Variants in PCOLCE observed in about 807,000 individuals in gnomAD.
PCOLCE encodes procollagen C-endopeptidase enhancer, also known as procollagen C-endopeptidase enhancer 1.
Under a neutral mutation model 47.2 loss-of-function variants are expected in PCOLCE, and 33 were observed. The ratio of observed to expected loss-of-function variants is 0.70; its 90% CI spans 0.53 to 0.93. PCOLCE has a LOEUF of 0.93. PCOLCE is among the 40% of genes least tolerant of loss of function. PCOLCE has a pLI of 0.00. For missense variants in PCOLCE, 584 were observed against 585.3 expected, an observed-to-expected ratio of 1.00 and a Z score of 0.02; for synonymous variants, 254 against 252.5, an observed-to-expected ratio of 1.01 and a Z score of -0.06.
rs781629878 is a variant in PCOLCE at position 100,604,201 on chromosome 7, G to A, written c.447G>A (p.Arg149=). 23 of 1,611,524 alleles carry A rather than the reference G, an allele frequency of 1.4e-5. No individual in the cohort carries two copies. In the Admixed American group the frequency reaches 3.8e-4, roughly 27 times the overall value. The change falls in exon 3 of 9, where the codon CGG becomes CGA. Residue 149 remains arginine, a synonymous_variant. Transcript: ENST00000223061. The surrounding 1 kb of genome is among the most constrained non-coding windows in gnomAD (Gnocchi z 6.4). ...GCTTCCTGCTCTGGTACAGCGGGCG[G>A]GCCACCTCGGGCACTGGTGAGAACT... ...GRGFLLWYSG[R]ATSGTEHQFC...
rs1383216054 is a variant in PCOLCE at position 100,605,220 on chromosome 7, C to T, written c.588+5C>T. 1.2e-6 allele frequency: 2 copies of T among 1,609,746 alleles called. No individual in the cohort carries two copies. Among genetic ancestry groups the T allele is most frequent in the Admixed American group, 3.3e-5 (2 of 59,820 alleles). ...ATCATCGCGCCCCCGGACCAGGTAC[C>T]GACCCTCCTCCCCGGGCTGCCCTAG... On this transcript the variant is annotated splice_donor_5th_base_variant and intron_variant, in intron 4 of 8. Transcript: ENST00000223061. The surrounding 1 kb of genome is among the most constrained non-coding windows in gnomAD (Gnocchi z 6.1).
In PCOLCE at chr7:100,603,508, C is replaced by G. The variant is rs147008327; in HGVS notation, c.174C>G (p.Pro58=). The G allele has an allele frequency of 3.7e-5, 59 of 1,600,338 alleles. No homozygotes were observed. The highest frequency in any genetic ancestry group is 6.8e-5 in the East Asian group (3 of 44,280). Residue 58 remains proline, a synonymous_variant, in exon 2 of 9, where the codon CCC becomes CCG. Coordinates refer to ENST00000223061, the MANE Select transcript of PCOLCE (RefSeq NM_002593.4). ...GTGAGGGGTTCCCCAACCTCTACCC[C>G]CCTAATAAGGAGTGCATCTGGACCA... is the stretch of plus-strand genomic sequence containing the variant. ...VASEGFPNLY[P]PNKECIWTIT... is the part of the protein sequence containing the mutation.
chr7:100,607,090 C>CAAA (rs559618495), intron 6 of PCOLCE, among the ~76,000 whole-genome samples: 18 of 105,254 alleles, frequency 1.7e-4, no homozygotes, highest in Admixed American at 4.9e-4. Flanking sequence ...GATTCTGTCT[C>CAAA]AAAAAAAAAA....
intron 1 of PCOLCE, chr7:100,603,080 A>T: frequency 4.1e-6 from 1 of 242,950 alleles, no homozygotes; most frequent in Non-Finnish European, 7.8e-6. Context: ...CCACATCTGG[A>T]AGTAGTTAGG....
chr7:100,602,666 C>A, intron 1 of PCOLCE, 115 bp downstream of exon 1: 1 of 713,620 alleles, frequency 1.4e-6, no homozygotes, highest in South Asian at 1.5e-5. Flanking sequence ...TCCCCAGATT[C>A]CCCACCGCCT....
chr7:100,603,402 C>G (rs1441388857), intron 1 of PCOLCE, 28 bp from the exon 2 acceptor site: 2 of 1,248,476 alleles, frequency 1.6e-6, no homozygotes. Context: ...CGTCCCTGCT[C>G]TTTCCTGACC....
chr7:100,602,992 G>C (rs747663245), intron 1 of PCOLCE: 74 of 229,026 alleles, frequency 3.2e-4, no homozygotes, highest in Non-Finnish European at 5.0e-4. Flanking sequence ...CTGGCCTCCA[G>C]GTTCAATCAG....
At chr7:100,606,310 C>G in intron 5 of PCOLCE, 106 bp from the exon 6 acceptor site, 1 of 747,378 alleles carries the variant, frequency 1.3e-6, no homozygotes, top group Non-Finnish European at 2.2e-6. Context: ...GCCTGGGAGA[C>G]AAAGTGAGAC....
In PCOLCE at chr7:100,607,620, C is replaced by A; in HGVS notation, c.1013-17C>A. The stretch of plus-strand genomic sequence containing the variant: ...GAACCTCCCATCTCCTCATCTCTCA[C>A]TCCCATTCTCCCACAGTGGTGACTG... On this transcript the variant is annotated splice_polypyrimidine_tract_variant and intron_variant, in intron 7 of 8. Transcript: ENST00000223061. The A allele has an allele frequency of 1.2e-6, 2 of 1,613,116 alleles. No homozygotes were observed. Among genetic ancestry groups the A allele is most frequent in the Non-Finnish European group, 8.5e-7 (1 of 1,179,086 alleles).
Position 100,605,557 on chromosome 7 carries a change from G to A in PCOLCE, c.589-119G>A. ...TGCTGTGGTGTGAACGCCTTCAGGA[G>A]GGGGGCCCAGAGGACGCGGGAGGTG... On this transcript the variant is annotated intron_variant, in intron 4 of 8. Transcript: ENST00000223061. The surrounding 1 kb of genome is among the most constrained non-coding windows in gnomAD (Gnocchi z 6.1). The A allele has an allele frequency of 4.0e-6, 5 of 1,265,616 alleles. No individual in the cohort carries two copies. The highest frequency in any genetic ancestry group is 3.3e-6 in the Non-Finnish European group (3 of 913,964). 78.4% of individuals were successfully genotyped at this position (1,265,616 alleles called of 1,614,324 possible).
chr7:100,603,902 T>C, intron 2 of PCOLCE, 57 bp from the exon 3 acceptor site: 1 of 1,575,550 alleles, frequency 6.3e-7, no homozygotes, highest in Non-Finnish European at 8.6e-7. Context: ...AGCTGCCCTC[T>C]GGCTGGGTTG....
At chr7:100,606,132 C>T in intron 5 of PCOLCE, 1 of 525,674 alleles carries the variant, frequency 1.9e-6, no homozygotes, top group Non-Finnish European at 3.4e-6. Context: ...AATTCGAGAC[C>T]AGCCTGGGCA....
In PCOLCE at chr7:100,605,506, G is replaced by T; in HGVS notation, c.589-170G>T. 1.2e-6 allele frequency: 1 copy of T among 811,308 alleles called. No homozygotes were observed. The highest frequency in any genetic ancestry group is 2.7e-5 in the East Asian group (1 of 37,096). 50.3% of individuals were successfully genotyped at this position (811,308 alleles called of 1,614,324 possible). A position where few individuals can be genotyped will look rare whatever the true frequency, so the allele number is the denominator to read the frequency against. On this transcript the variant is annotated intron_variant, in intron 4 of 8. Transcript: ENST00000223061. This position sits in a 1 kb window ranked among gnomAD's most constrained non-coding sequence, Gnocchi z 6.1. ...CCACGACGACCGACACCCCTGCAGG[G>T]TCCCATGGGTGTGTGTGGTCCTCCG...
intron 1 of PCOLCE, chr7:100,603,144 G>A: frequency 2.9e-6 from 1 of 343,856 alleles, no homozygotes. Flanking sequence ...TGGAAGGGGG[G>A]CCGAGGAGGA....
Position 100,604,160 on chromosome 7 carries a change from G to T in PCOLCE, c.406G>T (p.Gly136Cys). Residue 136 changes from glycine (G) to cysteine (C), a missense_variant, in exon 3 of 9, where the codon GGC (glycine) becomes TGC (cysteine). Transcript: ENST00000223061. The surrounding 1 kb of genome is among the most constrained non-coding windows in gnomAD (Gnocchi z 6.4). The stretch of plus-strand genomic sequence containing the variant: ...GACCCTGAGGATGACGACGGATGAG[G>T]GCACAGGAGGACGAGGCTTCCTGCT... ...QVTLRMTTDEGTGGRGFLLWY... is the reference protein window; with the variant it reads ...QVTLRMTTDECTGGRGFLLWY... The T allele has an allele frequency of 6.2e-7, 1 of 1,613,296 alleles. No homozygotes were observed. The highest frequency in any genetic ancestry group is 8.5e-7 in the Non-Finnish European group (1 of 1,179,956).
Position 100,605,667 on chromosome 7 carries a change from C to A in PCOLCE, c.589-9C>A. ...CCGCCGCGCAGTCCCCGCCTCCGCC[C>A]GCCGCCAGGTCATCGCGCTGACCTT... On this transcript the variant is annotated splice_polypyrimidine_tract_variant and intron_variant, in intron 4 of 8. Transcript: ENST00000223061. This position sits in a 1 kb window ranked among gnomAD's most constrained non-coding sequence, Gnocchi z 6.1. The A allele has an allele frequency of 1.3e-6, 2 of 1,576,108 alleles. No homozygotes were observed. The highest frequency in any genetic ancestry group is 2.3e-5 in the East Asian group (1 of 42,704).
Position 100,605,626 on chromosome 7 carries a change from G to A in PCOLCE, c.589-50G>A, listed in dbSNP as rs1802699932. The A allele has an allele frequency of 6.5e-7, 1 of 1,542,790 alleles. No individual in the cohort carries two copies. The highest frequency in any genetic ancestry group is 8.8e-7 in the Non-Finnish European group (1 of 1,142,576). On this transcript the variant is annotated intron_variant, in intron 4 of 8. Coordinates refer to ENST00000223061, the MANE Select transcript of PCOLCE (RefSeq NM_002593.4). The surrounding 1 kb of genome is among the most constrained non-coding windows in gnomAD (Gnocchi z 6.1). ...GGCACCCAGTAGGAGATGAGGTGCA[G>A]GCGCCCAGGGGTGTCCCGCCGCGCA...
chr7:100,606,111 C>T, intron 5 of PCOLCE: 1 of 530,244 alleles, frequency 1.9e-6, no homozygotes, highest in Middle Eastern at 5.0e-4. Context: ...GGAGGATCAC[C>T]TGAGCTTAGG....
intron 5 of PCOLCE, chr7:100,606,073 A>T (rs888100393): frequency 5.4e-6 from 3 of 557,624 alleles, no homozygotes; most frequent in Non-Finnish European, 9.6e-6. Context: ...TCATGCCTGT[A>T]ATCATAGCAC....
Sources: allele counts gnomAD v4.1 joint callset (sites outside exome capture counted in the v4.1 genomes callset), GRCh38; gene constraint gnomAD v4.1.1; non-coding constraint Gnocchi (gnomAD v3.1); transcripts MANE v1.5; gene names NCBI Gene and HGNC (gene_info 2026-07-23, HGNC 2026-07-21).